The following TM2D3 variants were observed in gnomAD, a reference collection of about 807,000 sequenced individuals.
TM2D3 encodes TM2 domain-containing protein 3.
TM2D3 carries 33 observed loss-of-function variants against 27.3 expected under a neutral mutation model. The observed-to-expected ratio is 1.21, with a 90% CI of 0.92 to 1.61. The LOEUF is 1.61. TM2D3 is among the 40% of genes most tolerant of loss of function. TM2D3 has a pLI of 0.00. For synonymous variants in TM2D3, 138 were observed against 122.2 expected, an observed-to-expected ratio of 1.13 and a Z score of -0.85; for missense variants, 364 against 320.8, an observed-to-expected ratio of 1.13 and a Z score of -1.03.
At chr15:101,633,872 G>T (rs750631048) in intron 4 of TM2D3, 1 of 628,518 alleles carries the variant, frequency 1.6e-6, no homozygotes, top group Non-Finnish European at 2.5e-6. Flanking sequence ...TGATCAAAAG[G>T]TGCCAGCGTT....
At chr15:101,644,371 G>C (rs1428821587) in intron 5 of TM2D3, among the ~76,000 whole-genome samples, 4 of 152,112 alleles carry the variant, frequency 2.6e-5, no homozygotes, top group Non-Finnish European at 5.9e-5. Context: ...GTAGGTAGAG[G>C]CCAGTGATGC....
At chr15:101,638,118 T>C (rs1485564748), downstream of TM2D3, among the ~76,000 whole-genome samples, 1 of 152,164 alleles carries the variant, frequency 6.6e-6, no homozygotes, top group African/African-American at 2.4e-5. Flanking sequence ...GGATCCTTTA[T>C]CTGGTTCAGC....
intron 3 of TM2D3, among the ~76,000 whole-genome samples, chr15:101,647,932 C>G (rs1896858601): frequency 6.6e-6 from 1 of 151,980 alleles, no homozygotes; most frequent in African/African-American, 2.4e-5. Flanking sequence ...GAGTCTCGCT[C>G]TGTCGCCCAG....
chr15:101,636,950 A>G (rs977068138), downstream of TM2D3: 7 of 431,502 alleles, frequency 1.6e-5, no homozygotes, highest in Non-Finnish European at 2.8e-5. Flanking sequence ...AAATATTTGA[A>G]GAGATTTATT....
At chr15:101,635,403 T>C (rs752354741) in intron 4 of TM2D3, 4 of 152,196 alleles carry the variant, frequency 2.6e-5, no homozygotes, top group Non-Finnish European at 4.4e-5. Context: ...TTTTTATATT[T>C]AGTGATTAAA....
chr15:101,647,572 G>T (rs980419664), intron 3 of TM2D3, among the ~76,000 whole-genome samples: 1 of 152,178 alleles, frequency 6.6e-6, no homozygotes, highest in African/African-American at 2.4e-5. Context: ...GGTGGCCAGA[G>T]AATTTTTCAT....
At chr15:101,650,764 A>C (rs1896947443) in intron 2 of TM2D3, 1 of 152,256 alleles carries the variant, frequency 6.6e-6, no homozygotes, top group African/African-American at 2.4e-5. Context: ...TAACATCTTC[A>C]GTAAGCTGCA....
At chr15:101,652,049 T>G in intron 1 of TM2D3, 1 of 554,906 alleles carries the variant, frequency 1.8e-6, no homozygotes, top group Non-Finnish European at 3.1e-6. Flanking sequence ...GTGCCAGGGC[T>G]CCGCAGCCGC....
chr15:101,647,944 C>T (rs1430954424), intron 3 of TM2D3, among the ~76,000 whole-genome samples: 1 of 151,986 alleles, frequency 6.6e-6, no homozygotes, highest in Non-Finnish European at 1.5e-5. Flanking sequence ...GTCGCCCAGG[C>T]TGGAATGCGG....
chr15:101,643,599 T>TAAAAAAAAAAAAAAA (rs1158728522), intron 5 of TM2D3, among the ~76,000 whole-genome samples: 1 of 47,342 alleles, frequency 2.1e-5, no homozygotes, highest in African/African-American at 7.9e-5. Flanking sequence ...GAGACTCCGT[T>TAAAAAAAAAAAAAAA]AAAAAAAAAA....
At chr15:101,643,589 G>C (rs1160079406) in intron 5 of TM2D3, among the ~76,000 whole-genome samples, 1 of 107,896 alleles carries the variant, frequency 9.3e-6, no homozygotes, top group African/African-American at 3.6e-5. Flanking sequence ...GTGACAGAGA[G>C]AGACTCCGTT....
chr15:101,634,012 G>T (rs1896502861), intron 4 of TM2D3: 2 of 297,068 alleles, frequency 6.7e-6, no homozygotes. Context: ...ATATAAAAAG[G>T]TACCAAGGGA....
chr15:101,652,214 C>G, intron 1 of TM2D3, 57 bp downstream of exon 1: 3 of 1,498,604 alleles, frequency 2.0e-6, no homozygotes, highest in Non-Finnish European at 2.8e-6. Flanking sequence ...CCTCGCAGCT[C>G]CCGGGGCCCT....
chr15:101,651,086 A>G (rs1172598527), intron 2 of TM2D3: 1 of 152,506 alleles, frequency 6.6e-6, no homozygotes, highest in African/African-American at 2.4e-5. Context: ...GTCCTACTTT[A>G]CTCACTGTAT....
At chr15:101,651,445 A>G in intron 2 of TM2D3, 2 of 450,826 alleles carry the variant, frequency 4.4e-6, no homozygotes, top group Middle Eastern at 6.1e-4. Context: ...AAGTGGAAAA[A>G]TAATAGAAAT....
chr15:101,642,004 C>T lies in TM2D3; in HGVS notation c.*475G>A. ...CATATGTATTACACTGCAAAACTTA[C>T]ACATGACTGAAGCTGAGCCTAATAA... On this transcript the variant is annotated 3_prime_UTR_variant, in exon 6 of 6. Transcript: ENST00000333202. 2.0e-6 allele frequency: 2 copies of T among 985,922 alleles called. No homozygotes were observed. Among genetic ancestry groups the T allele is most frequent in the Non-Finnish European group, 2.4e-6 (2 of 830,144 alleles). The allele number at this position is 985,922 out of a possible 1,614,324, so 61.1% of individuals were successfully genotyped here. A position where few individuals can be genotyped will look rare whatever the true frequency, so the allele number is the denominator to read the frequency against.
At chr15:101,637,620 G>A (rs565419961), downstream of TM2D3, among the ~76,000 whole-genome samples, 1 of 152,220 alleles carries the variant, frequency 6.6e-6, no homozygotes, top group East Asian at 1.9e-4. Flanking sequence ...TTGGGCAAGA[G>A]GGAAAAAAGG....
intron 4 of TM2D3, chr15:101,635,658 T>C (rs1009298981): frequency 1.3e-5 from 2 of 152,194 alleles, no homozygotes; most frequent in Middle Eastern, 3.2e-3. Context: ...TTTGTGCTTA[T>C]ATTTTTGTGC....
chr15:101,637,694 C>T (rs558779830), downstream of TM2D3, among the ~76,000 whole-genome samples: 1 of 152,306 alleles, frequency 6.6e-6, no homozygotes, highest in South Asian at 2.1e-4. Flanking sequence ...TCGCTCCCAC[C>T]TCAGCTTCCC....
Sources: gnomAD v4.1 joint callset for allele counts (sites outside exome capture counted in the v4.1 genomes callset) on GRCh38, gnomAD v4.1.1 for gene constraint, MANE v1.5 for transcripts, NCBI Gene and HGNC (gene_info 2026-07-23, HGNC 2026-07-21) for gene names.